The following MYCBP2 variants were observed in gnomAD, a reference collection of about 807,000 sequenced individuals.
MYCBP2 encodes the protein MYC binding protein 2.
MYCBP2 carries 120 observed loss-of-function variants against 525.3 expected under a neutral mutation model. The observed-to-expected ratio is 0.23, with a 90% CI of 0.20 to 0.27. The LOEUF (loss-of-function observed/expected upper bound fraction) is 0.27. Among genes scored for constraint, MYCBP2 ranks in the 10% least tolerant of loss-of-function variants. The pLI is 1.00. For synonymous variants in MYCBP2, 1,894 were observed against 1,955.8 expected (o/e 0.97, Z 0.83); for missense variants, 4,149 against 5,657.1 (o/e 0.73, Z 8.55).
At chr13:77,168,309 T>C (rs1010292480) in intron 40 of MYCBP2, 119 bp downstream of exon 40, 11 of 749,152 alleles carry the variant, frequency 1.5e-5, no homozygotes, top group African/African-American at 5.3e-5. Flanking sequence ...TGATTCTCTA[T>C]ATGTAAATAC....
chr13:77,226,397 C>T (rs1054770257), intron 18 of MYCBP2, among the ~76,000 whole-genome samples: 2 of 152,156 alleles, frequency 1.3e-5, no homozygotes, highest in African/African-American at 4.8e-5. Context: ...TAAATAACAA[C>T]AACTTACTTT....
chr13:77,264,066 C>T, intron 8 of MYCBP2, 64 bp from the exon 9 acceptor site: 4 of 1,359,524 alleles, frequency 2.9e-6, no homozygotes, highest in Non-Finnish European at 4.1e-6. Flanking sequence ...TGAATTTACT[C>T]CTCTGTTGAA....
chr13:77,185,319 G>C lies in MYCBP2; in HGVS notation c.4503C>G (p.Thr1501=). 1 of 1,613,742 alleles carries C rather than the reference G, an allele frequency of 6.2e-7. No homozygotes were observed. Among genetic ancestry groups the C allele is most frequent in the African/African-American group, 1.3e-5 (1 of 75,002 alleles). ...TSKLAECIGK[T]RTLLRKILSE... ...ATAAAATTTTTCTTAACAAAGTTCT[G>C]GTTTTTCCAATACACTCTGCTAATT... The change falls in exon 32 of 83, where the codon ACC becomes ACG. Residue 1501 remains threonine, a synonymous_variant. Transcript: ENST00000544440.
At chr13:77,237,166 G>A (rs2068044389) in intron 17 of MYCBP2, among the ~76,000 whole-genome samples, 2 of 151,976 alleles carry the variant, frequency 1.3e-5, no homozygotes, top group Non-Finnish European at 2.9e-5. Context: ...ATAAATAATG[G>A]TTATATAAAC....
chr13:77,096,573 T>C (rs984410595), intron 56 of MYCBP2, 92 bp from the exon 57 acceptor site: 41 of 1,365,626 alleles, frequency 3.0e-5, no homozygotes, highest in Admixed American at 2.1e-4. Context: ...AGATTTACCT[T>C]CTCAAAGAAA....
chr13:77,079,071 A>T (rs931655515), intron 65 of MYCBP2, among the ~76,000 whole-genome samples, 182 bp from the exon 66 acceptor site: 14 of 152,000 alleles, frequency 9.2e-5, no homozygotes, highest in Non-Finnish European at 1.8e-4. Context: ...TCATTCTCAC[A>T]AACTCCATCT....
intron 37 of MYCBP2, among the ~76,000 whole-genome samples, chr13:77,174,035 T>C (rs1029565009): frequency 4.6e-5 from 7 of 152,236 alleles, no homozygotes; most frequent in Non-Finnish European, 1.0e-4. Flanking sequence ...CCAGAAATTA[T>C]AGAGTGACAG....
At chr13:77,089,647 G>GT (rs77241178) in intron 60 of MYCBP2, among the ~76,000 whole-genome samples, 25 of 148,544 alleles carry the variant, frequency 1.7e-4, no homozygotes, top group African/African-American at 6.2e-4. Context: ...TCATGTAACT[G>GT]TTTTTTTTTT....
chr13:77,076,788 A>G lies in MYCBP2; in HGVS notation c.11786T>C (p.Leu3929Pro), dbSNP rs986349599. The change falls in exon 68 of 83, where the codon CTA becomes CCA. Residue 3929 changes from leucine (L) to proline (P), a missense_variant. By Grantham distance (98) the Leu-to-Pro change is moderately conservative. Transcript: ENST00000544440. ...EPTPEQEEKA[L>P]LSSPEGEEKV... ...TTCTTCTCCTTCAGGTGATGACAAT[A>G]GTGCTTTTTCCTCTTGTTCTGGTGT... 6.2e-7 allele frequency: 1 copy of G among 1,612,508 alleles called. No homozygotes were observed. Among genetic ancestry groups the G allele is most frequent in the Non-Finnish European group, 8.5e-7 (1 of 1,178,876 alleles).
intron 52 of MYCBP2, among the ~76,000 whole-genome samples, chr13:77,133,984 C>T (rs751330952): frequency 4.6e-5 from 7 of 152,138 alleles, no homozygotes; most frequent in Non-Finnish European, 5.9e-5. Context: ...CCAATGCCTA[C>T]TTTCCAGCTT....
At chr13:77,229,908 T>C (rs981378622) in intron 18 of MYCBP2, among the ~76,000 whole-genome samples, 10 of 152,330 alleles carry the variant, frequency 6.6e-5, no homozygotes, top group African/African-American at 2.4e-4. Context: ...CATTTTAAAA[T>C]AGATTTTAGG....
intron 26 of MYCBP2, among the ~76,000 whole-genome samples, chr13:77,202,678 T>A (rs1814748083): frequency 6.6e-6 from 1 of 151,698 alleles, no homozygotes; most frequent in South Asian, 2.1e-4. Flanking sequence ...CAGCAGCACA[T>A]CAAAAAGCTT....
At chr13:77,232,871 T>C (rs558744847) in intron 18 of MYCBP2, among the ~76,000 whole-genome samples, 3 of 152,174 alleles carry the variant, frequency 2.0e-5, no homozygotes, top group African/African-American at 4.8e-5. Context: ...GCAATAATTA[T>C]TTTTTCCACC....
At chr13:77,175,624 T>C (rs2059617868) in intron 36 of MYCBP2, among the ~76,000 whole-genome samples, 1 of 152,218 alleles carries the variant, frequency 6.6e-6, no homozygotes, top group Admixed American at 6.5e-5. Context: ...TTAACATCTA[T>C]AATTACTTTG....
intron 1 of MYCBP2, among the ~76,000 whole-genome samples, chr13:77,300,565 C>T (rs1227939991): frequency 1.3e-5 from 2 of 152,036 alleles, no homozygotes; most frequent in African/African-American, 2.4e-5. Flanking sequence ...GTTTGCTCGC[C>T]CCAGATCTGG....
At chr13:77,194,683 G>A (rs1249807754) in intron 26 of MYCBP2, among the ~76,000 whole-genome samples, 3 of 151,988 alleles carry the variant, frequency 2.0e-5, no homozygotes, top group Non-Finnish European at 4.4e-5. Context: ...ATCCATAAAA[G>A]GTGGGTGGAT....
intron 1 of MYCBP2, among the ~76,000 whole-genome samples, chr13:77,307,670 G>C (rs2079640542): frequency 7.2e-6 from 1 of 139,098 alleles, no homozygotes; most frequent in African/African-American, 2.6e-5. Context: ...TTGTATTGAA[G>C]TTTTTTAACA....
chr13:77,163,014 A>C (rs2058124755), intron 43 of MYCBP2, among the ~76,000 whole-genome samples: 1 of 152,088 alleles, frequency 6.6e-6, no homozygotes, highest in East Asian at 1.9e-4. Flanking sequence ...TTCTCAATAT[A>C]ATTTGGACAG....
At chr13:77,078,113 GGTATTAA>G (rs2042638829) in intron 66 of MYCBP2, 1 of 151,522 alleles carries the variant, frequency 6.6e-6, no homozygotes, top group Non-Finnish European at 1.5e-5. Context: ...TTCAAAAAGG[GGTATTAA>G]GTATAAACAA....
Sources: allele counts gnomAD v4.1 joint callset (sites outside exome capture counted in the v4.1 genomes callset), GRCh38; gene constraint gnomAD v4.1.1; transcripts MANE v1.5; gene names NCBI Gene and HGNC (gene_info 2026-07-23, HGNC 2026-07-21).